The following SFXN3 variants were observed in gnomAD, a reference collection of about 807,000 sequenced individuals.
SFXN3 encodes sideroflexin 3, also known as sideroflexin-3.
Under a neutral mutation model 40.4 loss-of-function variants are expected in SFXN3, and 31 were observed. The observed-to-expected ratio is 0.77, with a 90% confidence interval of 0.58 to 1.04. The LOEUF (loss-of-function observed/expected upper bound fraction) is 1.04, where lower values mean the gene tolerates loss of function less well. Ranked by LOEUF, SFXN3 falls within the 50% of genes least tolerant of loss-of-function variation. The pLI, the probability that SFXN3 is intolerant of heterozygous loss-of-function variation, is 0.00. For synonymous variants in SFXN3, 157 were observed against 160.0 expected (o/e 0.98, Z 0.14); for missense variants, 366 against 408.2 (o/e 0.90, Z 0.89).
rs1447278167 is a variant in SFXN3, at chr10:101,032,483, G to GT, written c.-4+2dup. ...AGAGCTTCAGAGAGCGATGGAAAGC[G>GT]TAAGTGCTCGCTCTCCCCGGCGGGC... On this transcript the variant is annotated splice_donor_variant, in intron 2 of 11. Transcript: ENST00000393459. LOFTEE classifies it low-confidence loss of function (5UTR_SPLICE). 19 of 1,546,074 alleles carry GT rather than the reference G, an allele frequency of 1.2e-5. No individual in the cohort carries two copies. The highest frequency in any genetic ancestry group is 1.4e-5 in the African/African-American group (1 of 71,614).
chr10:101,038,217 TTGG>T, intron 9 of SFXN3: 1 of 1,019,188 alleles, frequency 9.8e-7, no homozygotes, highest in Non-Finnish European at 1.2e-6. Flanking sequence ...GAGGAACAGG[TTGG>T]TGGTCCCTGT....
chr10:101,036,447 T>A lies in SFXN3; in HGVS notation c.432-39T>A. ...TAAAGGAAAGGGCCACCTGCTGGAC[T>A]TGTCACCTCTCCCCGTGACCTGGCT... On this transcript the variant is annotated intron_variant, in intron 5 of 11. Transcript: ENST00000393459. The surrounding 1 kb of genome is among the most constrained non-coding windows in gnomAD (Gnocchi z 4.2). The A allele has an allele frequency of 6.2e-7, 1 of 1,605,172 alleles. No homozygotes were observed. The highest frequency in any genetic ancestry group is 2.2e-5 in the East Asian group (1 of 44,830).
Position 101,039,123 on chromosome 10 carries a change from A to T in SFXN3, c.822-52A>T. 7.2e-6 allele frequency: 11 copies of T among 1,520,702 alleles called. No homozygotes were observed. The highest frequency in any genetic ancestry group is 1.0e-5 in the Non-Finnish European group (11 of 1,095,236). The allele number at this position is 1,520,702 out of a possible 1,614,324, so 94.2% of individuals were successfully genotyped here. ...AGGATGGGGTGGGGTGCAGGGAGGG[A>T]ACACCCTAAGGCCAAAGCTTTACAA... On this transcript the variant is annotated intron_variant, in intron 10 of 11. Coordinates refer to ENST00000393459, the Ensembl canonical transcript of SFXN3. The surrounding 1 kb of genome is among the most constrained non-coding windows in gnomAD (Gnocchi z 4.6).
chr10:101,039,887 C>T lies in SFXN3; in HGVS notation c.*302C>T, dbSNP rs1938815658. On this transcript the variant is annotated 3_prime_UTR_variant, in exon 12 of 12. Transcript: ENST00000393459. This position sits in a 1 kb window ranked among gnomAD's most constrained non-coding sequence, Gnocchi z 4.6. ...TGAAAGCTAGAAGCAGGCATGCTAG[C>T]CTAGTATGTTCTGACATCTGGCTTC... 1.4e-5 allele frequency: 5 copies of T among 359,396 alleles called. No individual in the cohort carries two copies. The East Asian group carries it at 1.9e-4, about 14-fold the overall frequency. 22.3% of individuals were successfully genotyped at this position (359,396 alleles called of 1,614,324 possible). A position where few individuals can be genotyped will look rare whatever the true frequency, so the allele number is the denominator to read the frequency against.
In SFXN3 at chr10:101,039,211, C is replaced by T. The variant is rs778121482; in HGVS notation, c.858C>T (p.Phe286=). Residue 286 remains phenylalanine, a synonymous_variant, in exon 11 of 12, where the codon TTC becomes TTT. Transcript: ENST00000393459. The surrounding 1 kb of genome is among the most constrained non-coding windows in gnomAD (Gnocchi z 4.6). ...CAACCCCCCTGTGCTGTGCCCTATT[C>T]CCCCAGAAGAGGTAAGTGCTGTCCC... 5.6e-6 allele frequency: 9 copies of T among 1,604,382 alleles called. No individual in the cohort carries two copies. In the East Asian group the frequency reaches 1.8e-4, roughly 32 times the overall value.
chr10:101,038,209 G>A, intron 9 of SFXN3: 1 of 993,408 alleles, frequency 1.0e-6, no homozygotes, highest in Non-Finnish European at 1.2e-6. Context: ...GCACATTTGA[G>A]GAACAGGTTG....
chr10:101,038,250 G>C, intron 9 of SFXN3: 1 of 1,124,936 alleles, frequency 8.9e-7, no homozygotes, highest in Non-Finnish European at 1.1e-6. Flanking sequence ...AAATTGAGAA[G>C]AGTGCCGAGG....
chr10:101,036,431 G>A lies in SFXN3; in HGVS notation c.432-55G>A. 6.4e-7 allele frequency: 1 copy of A among 1,563,544 alleles called. No homozygotes were observed. On this transcript the variant is annotated intron_variant, in intron 5 of 11. Transcript: ENST00000393459. This position sits in a 1 kb window ranked among gnomAD's most constrained non-coding sequence, Gnocchi z 4.2. ...GGACTTGGCATATCCCTAAAGGAAA[G>A]GGCCACCTGCTGGACTTGTCACCTC...
At chr10:101,037,605 G>A (rs1938685335) in intron 9 of SFXN3, 174 bp downstream of exon 9, 4 of 1,492,454 alleles carry the variant, frequency 2.7e-6, no homozygotes, top group South Asian at 2.7e-5. Flanking sequence ...GGGCTGGGGT[G>A]AAGGAACTCT....
chr10:101,039,710 G>A lies in SFXN3; in HGVS notation c.*125G>A, dbSNP rs1159502457. 1.1e-6 allele frequency: 1 copy of A among 879,414 alleles called. No homozygotes were observed. The highest frequency in any genetic ancestry group is 1.8e-6 in the Non-Finnish European group (1 of 540,614). The allele number at this position is 879,414 out of a possible 1,614,324, so 54.5% of individuals were successfully genotyped here. On this transcript the variant is annotated 3_prime_UTR_variant, in exon 12 of 12. Coordinates refer to ENST00000393459, the Ensembl canonical transcript of SFXN3. The surrounding 1 kb of genome is among the most constrained non-coding windows in gnomAD (Gnocchi z 4.6). ...GGGCCTTGGTGGGCAGATGGCAATTGAGGGTAGCAACCTATTAGGGTGGGG... is the reference window on the plus strand; with the variant it reads ...GGGCCTTGGTGGGCAGATGGCAATTAAGGGTAGCAACCTATTAGGGTGGGG...
chr10:101,037,567 A>G, intron 9 of SFXN3, 136 bp downstream of exon 9: 1 of 1,563,606 alleles, frequency 6.4e-7, no homozygotes. Flanking sequence ...CGCCTCCTCC[A>G]CCTTCGTTCA....
chr10:101,033,702 C>T (rs982631634), intron 2 of SFXN3, among the ~76,000 whole-genome samples: 1 of 152,116 alleles, frequency 6.6e-6, no homozygotes, highest in Non-Finnish European at 1.5e-5. Context: ...TCTGAGTTCC[C>T]TCAGTTTTTA....
In SFXN3 at chr10:101,039,482, A is replaced by G; in HGVS notation, c.870-7A>G. ...GACGTTAACTGGCCTGTGCTGTTCT[A>G]TTGCAGCTCCATACACATAAGCAAC... On this transcript the variant is annotated splice_region_variant and splice_polypyrimidine_tract_variant and intron_variant, in intron 11 of 11. Transcript: ENST00000393459. This position sits in a 1 kb window ranked among gnomAD's most constrained non-coding sequence, Gnocchi z 4.6. 6.2e-7 allele frequency: 1 copy of G among 1,613,660 alleles called. No homozygotes were observed. Among genetic ancestry groups the G allele is most frequent in the South Asian group, 1.1e-5 (1 of 91,072 alleles).
chr10:101,041,233 A>G (rs2134222154), exon 12 of SFXN3: 1 of 152,006 alleles, frequency 6.6e-6, no homozygotes, highest in South Asian at 2.1e-4. Flanking sequence ...TAAACTGCAA[A>G]CTTGTCTACT....
In SFXN3 at chr10:101,032,386, A is replaced by T. The variant is rs1049286669; in HGVS notation, c.-100A>T. ...CTGCCCCTCCCTGCTGGTCGGCGTC[A>T]CGCGTGACGTCCCGCGTGATGGCTG... is the stretch of plus-strand genomic sequence containing the variant. On this transcript the variant is annotated 5_prime_UTR_variant, in exon 2 of 12. Coordinates refer to ENST00000393459, the Ensembl canonical transcript of SFXN3. 3.8e-6 allele frequency: 5 copies of T among 1,328,624 alleles called. No individual in the cohort carries two copies. The African/African-American group carries it at 6.2e-5, about 16-fold the overall frequency. The allele number at this position is 1,328,624 out of a possible 1,614,324, so 82.3% of individuals were successfully genotyped here. A position where few individuals can be genotyped will look rare whatever the true frequency, so the allele number is the denominator to read the frequency against.
chr10:101,040,105 A>C (rs1938825402), exon 12 of SFXN3: 1 of 155,576 alleles, frequency 6.4e-6, no homozygotes, highest in African/African-American at 2.4e-5. Flanking sequence ...CAGGTTTCTG[A>C]TACCTAGCTC....
chr10:101,035,745 C>T (rs1938566072), intron 4 of SFXN3, 78 bp downstream of exon 4: 1 of 1,522,610 alleles, frequency 6.6e-7, no homozygotes, highest in African/African-American at 1.4e-5. Context: ...CTTGTCTGGG[C>T]CAACTGGGTG....
At chr10:101,032,672 C>G (rs540545357) in intron 2 of SFXN3, among the ~76,000 whole-genome samples, 190 bp downstream of exon 2, 1 of 152,140 alleles carries the variant, frequency 6.6e-6, no homozygotes, top group Non-Finnish European at 1.5e-5. Context: ...ATTCAAGTGT[C>G]TGCAGATGGG....
At chr10:101,035,802 T>C in intron 4 of SFXN3, 135 bp downstream of exon 4, 1 of 1,287,292 alleles carries the variant, frequency 7.8e-7, no homozygotes, top group African/African-American at 1.5e-5. Flanking sequence ...GAATTCAGCC[T>C]CAGGAGGTCT....
Sources: allele counts gnomAD v4.1 joint callset (sites outside exome capture counted in the v4.1 genomes callset), GRCh38; gene constraint gnomAD v4.1.1; non-coding constraint Gnocchi (gnomAD v3.1); transcripts MANE v1.5; gene names NCBI Gene and HGNC (gene_info 2026-07-23, HGNC 2026-07-21).